The following SOX5 variants were observed in gnomAD, a reference collection of about 807,000 sequenced individuals.
SOX5 encodes the protein SRY-box transcription factor 5.
Under a neutral mutation model 92.0 loss-of-function variants are expected in SOX5, and 9 were observed. The ratio of observed to expected loss-of-function variants is 0.10; its 90% CI spans 0.06 to 0.17. The LOEUF is 0.17. Ranked by LOEUF, SOX5 falls within the 10% of genes least tolerant of loss-of-function variation. The pLI, the probability that SOX5 is intolerant of heterozygous loss-of-function variation, is 1.00. For missense variants in SOX5, 642 were observed against 944.5 expected, an observed-to-expected ratio of 0.68 and a Z score of 4.20; for synonymous variants, 344 against 336.3, an observed-to-expected ratio of 1.02 and a Z score of -0.25.
intron 4 of SOX5, among the ~76,000 whole-genome samples, chr12:24,153,154 T>C (rs1951830164): frequency 6.6e-6 from 1 of 152,136 alleles, no homozygotes; most frequent in African/African-American, 2.4e-5. Flanking sequence ...GTGCTTTCAA[T>C]TTAACAGCAT....
At chr12:24,123,122 C>T (rs1474673376) in intron 4 of SOX5, among the ~76,000 whole-genome samples, 1 of 152,240 alleles carries the variant, frequency 6.6e-6, no homozygotes, top group African/African-American at 2.4e-5. Flanking sequence ...ATGGACACCT[C>T]CTCTGATACA....
chr12:24,508,066 G>C lies in SOX5; in HGVS notation c.-251+54263C>G, dbSNP rs190148500. Among the ~76,000 whole-genome samples, 15 of 152,198 alleles carry C rather than the reference G, an allele frequency of 9.9e-5. No individual in the cohort carries two copies. The East Asian group carries it at 2.9e-3, about 29-fold the overall frequency. ...TGGAAGGCAAGGTTGCACAAGGGAG[G>C]GCCAGGTTGCAGCAGCCTCAAGTTC... On this transcript the variant is annotated intron_variant, in intron 1 of 4. Coordinates refer to the SOX5 transcript ENST00000446891.
chr12:24,323,489 A>C (rs890716091), intron 2 of SOX5, among the ~76,000 whole-genome samples: 2 of 151,958 alleles, frequency 1.3e-5, no homozygotes, highest in African/African-American at 4.8e-5. Context: ...ATGTCAAACA[A>C]AAAAAGCAGC....
At chr12:24,150,906 C>T (rs1439323572) in intron 4 of SOX5, among the ~76,000 whole-genome samples, 2 of 151,622 alleles carry the variant, frequency 1.3e-5, no homozygotes, top group African/African-American at 2.4e-5. Flanking sequence ...TTTCATTGAT[C>T]AATGAAACAA....
intron 12 of SOX5, among the ~76,000 whole-genome samples, chr12:23,544,013 T>G (rs771442163): frequency 2.6e-4 from 39 of 152,218 alleles, no homozygotes; most frequent in Non-Finnish European, 5.0e-4. Context: ...CCAAAATATA[T>G]GTAAAACTGG....
chr12:24,332,460 T>C (rs151206499), intron 2 of SOX5, among the ~76,000 whole-genome samples: 96 of 152,224 alleles, frequency 6.3e-4, no homozygotes, highest in African/African-American at 2.3e-3. Context: ...TTACTTGACA[T>C]GGTCCCCAAT....
At chr12:23,814,824 C>A (rs1191604901) in intron 3 of SOX5, among the ~76,000 whole-genome samples, 2 of 152,106 alleles carry the variant, frequency 1.3e-5, no homozygotes, top group African/African-American at 4.8e-5. Flanking sequence ...ATGTAACTAT[C>A]CATTAAAATA....
At chr12:23,850,601 TA>T (rs2096623041) in intron 2 of SOX5, among the ~76,000 whole-genome samples, 1 of 152,008 alleles carries the variant, frequency 6.6e-6, no homozygotes, top group African/African-American at 2.4e-5. Flanking sequence ...ATGTTGAAAC[TA>T]AATTTCACTA....
intron 4 of SOX5, among the ~76,000 whole-genome samples, chr12:24,192,092 A>G (rs1287213280): frequency 6.6e-6 from 1 of 152,220 alleles, no homozygotes; most frequent in African/African-American, 2.4e-5. Context: ...AAAACTTTGT[A>G]AGCAGGTAAG....
At chr12:24,209,432 A>AT (rs1222365956) in intron 4 of SOX5, among the ~76,000 whole-genome samples, 3 of 152,208 alleles carry the variant, frequency 2.0e-5, no homozygotes, top group Non-Finnish European at 4.4e-5. Context: ...TTAGAATAAT[A>AT]TTTTTTAGGA....
At chr12:24,254,833 CTTCT>C (rs1189535849) in intron 3 of SOX5, among the ~76,000 whole-genome samples, 2 of 151,596 alleles carry the variant, frequency 1.3e-5, no homozygotes, top group South Asian at 4.2e-4. Context: ...ATTTTATATT[CTTCT>C]TTCTGTCTTT....
intron 4 of SOX5, among the ~76,000 whole-genome samples, chr12:24,108,364 T>C (rs978107146): frequency 6.6e-6 from 1 of 152,180 alleles, no homozygotes; most frequent in Non-Finnish European, 1.5e-5. Flanking sequence ...TGCATCATCA[T>C]TACTGTCATC....
intron 3 of SOX5, among the ~76,000 whole-genome samples, chr12:23,814,366 T>C (rs2095942666): frequency 6.6e-6 from 1 of 151,992 alleles, no homozygotes; most frequent in Non-Finnish European, 1.5e-5. Flanking sequence ...TCTTGCACAA[T>C]GAGATGTCCC....
chr12:23,907,743 A>G (rs1457172285), intron 1 of SOX5, among the ~76,000 whole-genome samples: 1 of 112,760 alleles, frequency 8.9e-6, no homozygotes, highest in Non-Finnish European at 2.1e-5. Flanking sequence ...TGAGGTGCAT[A>G]AGCAAAAAAA....
At chr12:23,751,758 C>T (rs1445007953) in intron 4 of SOX5, among the ~76,000 whole-genome samples, 1 of 151,860 alleles carries the variant, frequency 6.6e-6, no homozygotes, top group Non-Finnish European at 1.5e-5. Context: ...CCTTTATAGC[C>T]CTTCTTCTAG....
chr12:24,448,450 C>T (rs1941811489), intron 1 of SOX5, among the ~76,000 whole-genome samples: 1 of 152,118 alleles, frequency 6.6e-6, no homozygotes, highest in Admixed American at 6.5e-5. Context: ...CAACAATAAG[C>T]CCTGGCAATA....
chr12:23,852,342 C>T (rs1443333548), intron 2 of SOX5, among the ~76,000 whole-genome samples: 4 of 152,086 alleles, frequency 2.6e-5, no homozygotes, highest in Admixed American at 6.6e-5. Flanking sequence ...TAGACAGTAA[C>T]AGTCCTCATC....
intron 1 of SOX5, among the ~76,000 whole-genome samples, chr12:24,435,297 C>G (rs537050345): frequency 6.6e-6 from 1 of 152,318 alleles, no homozygotes. Context: ...AGATGTACCC[C>G]TTTCTGACGG....
chr12:24,233,920 T>C (rs1314091092), intron 3 of SOX5, among the ~76,000 whole-genome samples: 1 of 152,144 alleles, frequency 6.6e-6, no homozygotes, highest in African/African-American at 2.4e-5. Context: ...TCTAGGAAAA[T>C]GTACTCAAAA....
Sources: gnomAD v4.1 joint callset for allele counts (sites outside exome capture counted in the v4.1 genomes callset) on GRCh38, gnomAD v4.1.1 for gene constraint, MANE v1.5 for transcripts, NCBI Gene and HGNC (gene_info 2026-07-23, HGNC 2026-07-21) for gene names.